Variants in PTH2R observed in about 807,000 individuals in gnomAD.
PTH2R encodes PTH2 receptor.
A neutral mutation model predicts 60.3 loss-of-function variants in PTH2R; 59 were observed. The ratio of observed to expected loss-of-function variants is 0.98; its 90% CI spans 0.79 to 1.22. The LOEUF (loss-of-function observed/expected upper bound fraction) is 1.22, where lower values mean the gene tolerates loss of function less well. Ranked by LOEUF, PTH2R falls within the 50% of genes most tolerant of loss-of-function variation. The pLI is 0.00. For missense variants in PTH2R, 749 were observed against 682.6 expected, an observed-to-expected ratio of 1.10 and a Z score of -1.08; for synonymous variants, 256 against 243.8, an observed-to-expected ratio of 1.05 and a Z score of -0.47.
At chr2:208,439,669 TA>T (rs974973484) in intron 4 of PTH2R, among the ~76,000 whole-genome samples, 4 of 151,984 alleles carry the variant, frequency 2.6e-5, no homozygotes, top group Admixed American at 6.6e-5. Context: ...TTATTTTAGT[TA>T]AAAAAAGGGA....
In PTH2R at chr2:208,459,895, G is replaced by A. The variant is rs1702597690; in HGVS notation, c.915G>A (p.Arg305=). The part of the protein sequence containing the change: ...AVARATLADA[R]CWELSAGDIK... ...TGACAGCTTTTTTTCAATGTCTCAGGTGCTGGGAACTTAGTGCTGGAGACA... is the reference window on the plus strand; with the variant it reads ...TGACAGCTTTTTTTCAATGTCTCAGATGCTGGGAACTTAGTGCTGGAGACA... Residue 305 remains arginine, a splice_region_variant and synonymous_variant, in exon 9 of 13, where the codon AGG becomes AGA. Transcript: ENST00000272847. 1 of 1,611,828 alleles carries A rather than the reference G, an allele frequency of 6.2e-7. No individual in the cohort carries two copies. Among genetic ancestry groups the A allele is most frequent in the Non-Finnish European group, 8.5e-7 (1 of 1,178,900 alleles).
chr2:208,414,514 A>G (rs1025740123), intron 1 of PTH2R, among the ~76,000 whole-genome samples: 8 of 151,772 alleles, frequency 5.3e-5, no homozygotes, highest in African/African-American at 1.9e-4. Flanking sequence ...TTTTCTGTTT[A>G]TCTTTTGAGT....
intron 1 of PTH2R, among the ~76,000 whole-genome samples, chr2:208,369,221 C>T (rs1331782738): frequency 2.0e-5 from 3 of 152,078 alleles, no homozygotes. Flanking sequence ...GTTTTACCCT[C>T]ATAGCCTAAC....
intron 7 of PTH2R, among the ~76,000 whole-genome samples, chr2:208,449,076 T>A (rs1702346798): frequency 6.6e-6 from 1 of 152,102 alleles, no homozygotes; most frequent in Admixed American, 6.5e-5. Context: ...GATATAAGAA[T>A]GATAAGATGT....
At chr2:208,408,742 G>GAA (rs3034062) in intron 1 of PTH2R, among the ~76,000 whole-genome samples, 45,933 of 137,542 alleles carry the variant, frequency 0.33, 8,353 homozygotes, top group South Asian at 0.45. Context: ...GAGAGAGAAA[G>GAA]AGAGAGAGAG....
chr2:208,444,668 T>A lies in PTH2R; in HGVS notation c.700-66T>A. 1.2e-5 allele frequency: 18 copies of A among 1,477,954 alleles called. No individual in the cohort carries two copies. The South Asian group carries it at 1.9e-4, about 16-fold the overall frequency. 91.6% of individuals were successfully genotyped at this position (1,477,954 alleles called of 1,614,324 possible). Reference sequence around the variant, plus strand: ...AAACTGAAGACTTGTTTTTTAGTGGTCTAATGTTGGCATCCAGTACAACAA... The same window carrying A: ...AAACTGAAGACTTGTTTTTTAGTGGACTAATGTTGGCATCCAGTACAACAA... On this transcript the variant is annotated intron_variant, in intron 6 of 12. Transcript: ENST00000272847.
intron 1 of PTH2R, among the ~76,000 whole-genome samples, chr2:208,411,044 G>A (rs764808531): frequency 2.4e-4 from 37 of 152,106 alleles, no homozygotes; most frequent in African/African-American, 3.6e-4. Context: ...TCAGGAGTTC[G>A]AGACCAGCCT....
rs528385157 is a variant in PTH2R at position 208,379,771 on chromosome 2, A to C, written c.-259+19534A>C. On this transcript the variant is annotated intron_variant, in intron 1 of 12. Transcript: ENST00000617735. ...GCTACTTGGGAGGCTGAGGCACGAG[A>C]ATCACTTGAACCTGGGAGATGGAGG... Among the ~76,000 whole-genome samples, 210 of 152,046 alleles carry C rather than the reference A, an allele frequency of 1.4e-3. 3 individuals are homozygous for C. The highest frequency in any genetic ancestry group is 5.0e-3 in the African/African-American group (205 of 41,374).
chr2:208,427,542 T>C (rs1701881305), intron 1 of PTH2R, among the ~76,000 whole-genome samples: 1 of 152,312 alleles, frequency 6.6e-6, no homozygotes, highest in East Asian at 1.9e-4. Flanking sequence ...ATGAATATAA[T>C]CCAGAAATCT....
chr2:208,488,908 C>T (rs1703334013), intron 10 of PTH2R, 104 bp from the exon 11 acceptor site: 3 of 1,188,082 alleles, frequency 2.5e-6, no homozygotes, highest in South Asian at 3.0e-5. Flanking sequence ...AAGTGTCAGC[C>T]CCACCCCCAT....
chr2:208,367,511 C>T (rs543668811), intron 1 of PTH2R, among the ~76,000 whole-genome samples: 4 of 148,312 alleles, frequency 2.7e-5, no homozygotes, highest in Admixed American at 6.8e-5. Context: ...ACCTCCGCCT[C>T]CCAGACTCAA....
At position 208,420,441 on chromosome 2, in the gene PTH2R, G is replaced by T. The variant is rs527413767; in HGVS notation, c.76-7760G>T. On this transcript the variant is annotated intron_variant, in intron 1 of 12. Coordinates refer to ENST00000272847, the MANE Select transcript of PTH2R (RefSeq NM_005048.4). The stretch of plus-strand genomic sequence containing the variant: ...TTTTTTCCACACATATTTGCCAGCA[G>T]AATGTTGCTCTCAATTTTTTTTTGC... 3.0e-4 allele frequency among the ~76,000 whole-genome samples: 46 copies of T among 152,190 alleles called. No homozygotes were observed. The South Asian group carries it at 6.2e-3, about 21-fold the overall frequency.
chr2:208,377,992 A>C (rs1270871314), intron 1 of PTH2R, among the ~76,000 whole-genome samples: 1 of 152,178 alleles, frequency 6.6e-6, no homozygotes, highest in South Asian at 2.1e-4. Context: ...AGAGGCTGCA[A>C]TCTCGGCACT....
chr2:208,452,881 T>G (rs1702433897), intron 8 of PTH2R, among the ~76,000 whole-genome samples: 1 of 152,186 alleles, frequency 6.6e-6, no homozygotes, highest in South Asian at 2.1e-4. Context: ...TACTTTGATC[T>G]CAGATATTCA....
rs745884138 is a variant in PTH2R at position 208,444,854 on chromosome 2, A to G, written c.820A>G (p.Lys274Glu). ...LIFVAFFSDT[K>E]YLWGFILIGW... ...CTTTGTGGCTTTCTTTTCGGACACC[A>G]AATACCTGTGGGGCTTCATCTTGAT... Residue 274 changes from lysine to glutamate, a missense_variant, in exon 7 of 13, where the codon AAA becomes GAA. Physicochemically the swap from Lys to Glu is moderately conservative, Grantham distance 56. Transcript: ENST00000272847. The G allele has an allele frequency of 1.9e-6, 3 of 1,613,894 alleles. No homozygotes were observed. The Admixed American group carries it at 5.0e-5, about 27-fold the overall frequency.
chr2:208,421,418 T>C (rs1486492543), intron 1 of PTH2R, among the ~76,000 whole-genome samples: 1 of 151,982 alleles, frequency 6.6e-6, no homozygotes, highest in Non-Finnish European at 1.5e-5. Context: ...TGCTTCCTTG[T>C]GTGTGTTTGT....
chr2:208,377,460 G>GT (rs1553540286), intron 1 of PTH2R, among the ~76,000 whole-genome samples: 1 of 148,358 alleles, frequency 6.7e-6, no homozygotes, highest in Non-Finnish European at 1.5e-5. Flanking sequence ...GGGCAGAGGT[G>GT]CCCCCCACCT....
intron 1 of PTH2R, among the ~76,000 whole-genome samples, chr2:208,378,713 A>T (rs1898433): frequency 2.0e-5 from 3 of 152,106 alleles, no homozygotes; most frequent in Admixed American, 2.0e-4. Context: ...TTGATCTCAG[A>T]CTTCCCAGTC....
At chr2:208,366,282 T>C (rs1014921947) in intron 1 of PTH2R, among the ~76,000 whole-genome samples, 16 of 152,154 alleles carry the variant, frequency 1.1e-4, no homozygotes, top group African/African-American at 3.9e-4. Flanking sequence ...AGGTTTGGTG[T>C]TTCTAGAAAT....
Sources: allele counts gnomAD v4.1 joint callset (sites outside exome capture counted in the v4.1 genomes callset), GRCh38; gene constraint gnomAD v4.1.1; transcripts MANE v1.5; gene names NCBI Gene and HGNC (gene_info 2026-07-23, HGNC 2026-07-21).